SOX5: variants seen among roughly 807,000 people sequenced by gnomAD.
SOX5 encodes SRY-box transcription factor 5.
A neutral mutation model predicts 92.0 loss-of-function variants in SOX5; 9 were observed. The ratio of observed to expected loss-of-function variants is 0.10; its 90% confidence interval spans 0.06 to 0.17. The LOEUF is 0.17. Ranked by LOEUF, SOX5 falls within the 10% of genes least tolerant of loss-of-function variation. The probability of loss-of-function intolerance (pLI) is 1.00; values close to 1 mark genes in which losing one functional copy is unlikely to be tolerated. For missense variants in SOX5, 642 were observed against 944.5 expected (o/e 0.68, Z 4.20); for synonymous variants, 344 against 336.3 (o/e 1.02, Z -0.25).
At chr12:23,536,365 C>A in intron 14 of SOX5, 88 bp downstream of exon 14, 1 of 1,028,890 alleles carries the variant, frequency 9.7e-7, no homozygotes, top group Non-Finnish European at 1.5e-6. Flanking sequence ...TTCAAAATGT[C>A]TTTTTGCAAC....
chr12:24,058,240 A>T (rs1592751481), intron 4 of SOX5, among the ~76,000 whole-genome samples: 1 of 152,268 alleles, frequency 6.6e-6, no homozygotes, highest in Admixed American at 6.5e-5. Context: ...AACAAGTAAC[A>T]CATCGTCCTC....
At chr12:24,139,228 G>A (rs1241320676) in intron 4 of SOX5, among the ~76,000 whole-genome samples, 3 of 152,110 alleles carry the variant, frequency 2.0e-5, no homozygotes, top group Non-Finnish European at 2.9e-5. Context: ...ATAAATAAGA[G>A]TTTAGGCATT....
intron 1 of SOX5, among the ~76,000 whole-genome samples, chr12:24,549,375 T>C (rs1419750519): frequency 1.3e-5 from 2 of 152,232 alleles, no homozygotes; most frequent in Non-Finnish European, 2.9e-5. Context: ...TGGCTCATAG[T>C]AGGCACTCCA....
At chr12:24,000,238 AGAAAT>A (rs148170645) in intron 4 of SOX5, among the ~76,000 whole-genome samples, 2,440 of 151,862 alleles carry the variant, frequency 0.016, 56 homozygotes, top group African/African-American at 0.056. Context: ...ATCCGCAGAA[AGAAAT>A]GAAGAGTGAA....
intron 3 of SOX5, among the ~76,000 whole-genome samples, chr12:23,834,471 T>G (rs145007506): frequency 1.0e-3 from 156 of 151,998 alleles, no homozygotes; most frequent in Admixed American, 1.7e-3. Context: ...GATAAGAACT[T>G]ATACTAATTT....
At chr12:24,474,706 T>C (rs568905236) in intron 1 of SOX5, among the ~76,000 whole-genome samples, 100 of 151,962 alleles carry the variant, frequency 6.6e-4, no homozygotes, top group Non-Finnish European at 1.2e-3. Flanking sequence ...CAGCTAATTT[T>C]TGTATTTTTA....
chr12:23,687,537 A>T (rs1472563410), intron 6 of SOX5, among the ~76,000 whole-genome samples: 1 of 152,050 alleles, frequency 6.6e-6, no homozygotes, highest in Non-Finnish European at 1.5e-5. Flanking sequence ...GACTCACAGA[A>T]TTTTAAATAT....
chr12:24,558,891 T>C (rs1192283085), intron 1 of SOX5, among the ~76,000 whole-genome samples: 1 of 152,222 alleles, frequency 6.6e-6, no homozygotes, highest in African/African-American at 2.4e-5. Flanking sequence ...CATAATTCTT[T>C]AATTCATTCA....
chr12:24,423,136 A>C (rs1037540004), intron 1 of SOX5, among the ~76,000 whole-genome samples: 1 of 152,246 alleles, frequency 6.6e-6, no homozygotes, highest in Non-Finnish European at 1.5e-5. Flanking sequence ...AAATAGAAGT[A>C]TATTCTAAGA....
At chr12:23,891,809 T>C (rs1045170859) in intron 2 of SOX5, among the ~76,000 whole-genome samples, 12 of 152,200 alleles carry the variant, frequency 7.9e-5, no homozygotes, top group African/African-American at 2.7e-4. Flanking sequence ...TATTCAATAA[T>C]TTTGATACAT....
chr12:23,783,491 T>G (rs1051179207), intron 3 of SOX5, among the ~76,000 whole-genome samples: 32 of 152,158 alleles, frequency 2.1e-4, no homozygotes, highest in Admixed American at 1.4e-3. Flanking sequence ...TATAGTAAAT[T>G]TGACCATGTG....
chr12:23,699,531 G>A (rs1438522084), intron 6 of SOX5, among the ~76,000 whole-genome samples: 1 of 151,746 alleles, frequency 6.6e-6, no homozygotes, highest in African/African-American at 2.4e-5. Flanking sequence ...TTTTTTGTGT[G>A]GTTTCATTGT....
At chr12:23,583,541 C>T (rs1048382718) in intron 9 of SOX5, among the ~76,000 whole-genome samples, 3 of 152,116 alleles carry the variant, frequency 2.0e-5, no homozygotes, top group African/African-American at 7.2e-5. Flanking sequence ...GGTCCCCAGA[C>T]AACTTCAAAT....
At position 23,664,322 on chromosome 12, in the gene SOX5, C is replaced by CATATATATAT. The variant is rs34331621; in HGVS notation, c.931+1112_931+1121dup. Among the ~76,000 whole-genome samples the CATATATATAT allele has an allele frequency of 1.7e-3, 249 of 150,072 alleles. 2 individuals are homozygous for CATATATATAT. Among genetic ancestry groups the CATATATATAT allele is most frequent in the Admixed American group, 8.0e-3 (121 of 15,048 alleles). ...AGATGTTAATGGCACAATTCATTAA[C>CATATATATAT]ATATATATATATATAAGCCAAAATG... On this transcript the variant is annotated intron_variant, in intron 7 of 14. Coordinates refer to ENST00000451604, the MANE Select transcript of SOX5 (RefSeq NM_006940.6).
At chr12:24,144,586 G>A (rs554299386) in intron 4 of SOX5, among the ~76,000 whole-genome samples, 19 of 152,222 alleles carry the variant, frequency 1.2e-4, no homozygotes, top group South Asian at 8.3e-4. Flanking sequence ...CAGGAGGATC[G>A]CTTGACACCA....
At chr12:24,215,556 G>C (rs1397574392) in intron 3 of SOX5, among the ~76,000 whole-genome samples, 1 of 151,916 alleles carries the variant, frequency 6.6e-6, no homozygotes, top group African/African-American at 2.4e-5. Context: ...GAAGTCTAAG[G>C]CTTGTGAATC....
At chr12:24,070,819 A>C (rs1941657455) in intron 4 of SOX5, among the ~76,000 whole-genome samples, 1 of 152,170 alleles carries the variant, frequency 6.6e-6, no homozygotes, top group Non-Finnish European at 1.5e-5. Flanking sequence ...CCTCGGATTG[A>C]GATACAGCCT....
intron 10 of SOX5, among the ~76,000 whole-genome samples, chr12:23,574,294 T>C (rs1948797974): frequency 6.6e-6 from 1 of 152,144 alleles, no homozygotes. Context: ...CTTTTACCGA[T>C]GAGGCTCGTA....
intron 1 of SOX5, among the ~76,000 whole-genome samples, chr12:24,479,864 C>T (rs535322342): frequency 6.6e-6 from 1 of 152,064 alleles, no homozygotes; most frequent in Non-Finnish European, 1.5e-5. Flanking sequence ...CGGGGTTTTA[C>T]CCTGTTGGCC....
Sources: allele counts gnomAD v4.1 joint callset (sites outside exome capture counted in the v4.1 genomes callset), GRCh38; gene constraint gnomAD v4.1.1; transcripts MANE v1.5; gene names NCBI Gene and HGNC (gene_info 2026-07-23, HGNC 2026-07-21).